The following BRD8 variants were observed in gnomAD, a reference collection of about 807,000 sequenced individuals.
BRD8 encodes bromodomain-containing protein 8.
BRD8 carries 67 observed loss-of-function variants against 143.1 expected under a neutral mutation model. The ratio of observed to expected loss-of-function variants is 0.47; its 90% confidence interval spans 0.38 to 0.57. The LOEUF (loss-of-function observed/expected upper bound fraction) is 0.57, where lower values mean the gene tolerates loss of function less well. Among genes scored for constraint, BRD8 ranks in the 20% least tolerant of loss-of-function variants. The pLI is 0.00. For missense variants in BRD8, 1,103 were observed against 1,503.0 expected (o/e 0.73, Z 4.40); for synonymous variants, 505 against 517.1 (o/e 0.98, Z 0.32).
At chr5:138,161,282 G>T (rs115711453) in intron 17 of BRD8, 5,472 of 417,330 alleles carry the variant, frequency 0.013, 143 homozygotes, top group African/African-American at 0.074. Flanking sequence ...GTTTATTTAG[G>T]TTTTTTTTGG....
At chr5:138,141,669 T>C (rs1367876180) in intron 25 of BRD8, among the ~76,000 whole-genome samples, 1 of 152,226 alleles carries the variant, frequency 6.6e-6, no homozygotes, top group Non-Finnish European at 1.5e-5. Flanking sequence ...AGTCATATAT[T>C]ATTTCATCTA....
intron 25 of BRD8, 129 bp from the exon 26 acceptor site, chr5:138,141,011 G>T: frequency 1.0e-6 from 1 of 958,028 alleles, no homozygotes; most frequent in Non-Finnish European, 1.6e-6. Flanking sequence ...ACCCTCATCA[G>T]ATAATAAAAT....
At chr5:138,170,974 A>C in intron 5 of BRD8, 62 bp from the exon 6 acceptor site, 1 of 1,612,844 alleles carries the variant, frequency 6.2e-7, no homozygotes, top group Non-Finnish European at 8.5e-7. Flanking sequence ...AAAAGTTCTG[A>C]CCAGTACCAG....
chr5:138,149,931 A>G, intron 22 of BRD8, 134 bp from the exon 23 acceptor site: 1 of 823,664 alleles, frequency 1.2e-6, no homozygotes, highest in South Asian at 2.9e-5. Flanking sequence ...AAAGAAATTA[A>G]AGAAAGCTGA....
chr5:138,145,213 T>C lies in BRD8; in HGVS notation c.3401A>G (p.Glu1134Gly). The C allele has an allele frequency of 6.2e-7, 1 of 1,614,034 alleles. No homozygotes were observed. Among genetic ancestry groups the C allele is most frequent in the South Asian group, 1.1e-5 (1 of 91,054 alleles). Residue 1134 changes from glutamate to glycine, a missense_variant, in exon 25 of 27, where the codon GAA becomes GGA. Transcript: ENST00000254900. Reference sequence around the variant, plus strand: ...ATCCTTGTACCCTGGGGCCTGCCTTTCTGACACAGGCTTCAGAAATGGACT... The same window carrying C: ...ATCCTTGTACCCTGGGGCCTGCCTTCCTGACACAGGCTTCAGAAATGGACT... ...FSSPFLKPVS[E>G]RQAPGYKDVV... is the part of the protein sequence containing the mutation.
chr5:138,166,649 G>C lies in BRD8; in HGVS notation c.866C>G (p.Ala289Gly), dbSNP rs765302591. ...CACAAGTTTAACTGGAGGCTCACTG[G>C]CAACAGTAGTGAAGGAAGCAAGAGG... ...TTPLASFTTV[A>G]SEPPVKLVPP... Residue 289 changes from alanine to glycine, a missense_variant, in exon 10 of 27, where the codon GCC becomes GGC. Physicochemically the swap from Ala to Gly is moderately conservative, Grantham distance 60. Transcript: ENST00000254900. 1 of 1,613,780 alleles carries C rather than the reference G, an allele frequency of 6.2e-7. No individual in the cohort carries two copies. Among genetic ancestry groups the C allele is most frequent in the Admixed American group, 1.7e-5 (1 of 60,014 alleles).
chr5:138,163,500 A>G, intron 14 of BRD8, 156 bp from the exon 15 acceptor site: 1 of 1,384,046 alleles, frequency 7.2e-7, no homozygotes. Flanking sequence ...CCATCTACTT[A>G]CAGACACTGC....
At chr5:138,174,485 A>G (rs1405027825) in intron 2 of BRD8, among the ~76,000 whole-genome samples, 1 of 152,010 alleles carries the variant, frequency 6.6e-6, no homozygotes, top group African/African-American at 2.4e-5. Flanking sequence ...AGTCCCAGCT[A>G]CACGGGAGGC....
At chr5:138,167,524 C>A in intron 9 of BRD8, 1 of 200,908 alleles carries the variant, frequency 5.0e-6, no homozygotes. Context: ...ATATATGTTA[C>A]AATAAAAAAG....
intron 20 of BRD8, 88 bp downstream of exon 20, chr5:138,159,467 C>A: frequency 7.4e-7 from 1 of 1,358,812 alleles, no homozygotes; most frequent in East Asian, 2.3e-5. Flanking sequence ...CCACAGTCTG[C>A]ATGTTGGATT....
At chr5:138,173,655 C>T (rs944985554) in intron 2 of BRD8, among the ~76,000 whole-genome samples, 1 of 152,178 alleles carries the variant, frequency 6.6e-6, no homozygotes, top group African/African-American at 2.4e-5. Flanking sequence ...GTTGCTTCCA[C>T]CTCTGAGGCT....
chr5:138,145,732 A>G, intron 24 of BRD8, 57 bp downstream of exon 24: 3 of 1,429,690 alleles, frequency 2.1e-6, no homozygotes, highest in Non-Finnish European at 3.0e-6. Context: ...CTTAAACCCC[A>G]ATATGTATTA....
At chr5:138,161,244 A>G (rs942131126) in intron 17 of BRD8, 176 bp from the exon 18 acceptor site, 2 of 519,584 alleles carry the variant, frequency 3.8e-6, no homozygotes, top group African/African-American at 2.0e-5. Flanking sequence ...AATCTATATA[A>G]TAAGCATTGA....
Position 138,152,784 on chromosome 5 carries a change from C to T in BRD8, c.2578-24G>A, listed in dbSNP as rs369736947. The stretch of plus-strand genomic sequence containing the variant: ...ATCTGTAAATACACAGGAAAACATG[C>T]ATTAAATTCATTCAAATAAATATTC... On this transcript the variant is annotated intron_variant, in intron 20 of 26. Transcript: ENST00000254900. The T allele has an allele frequency of 9.4e-6, 15 of 1,591,898 alleles. No homozygotes were observed. In the African/African-American group the frequency reaches 1.7e-4, roughly 19 times the overall value.
intron 17 of BRD8, 55 bp downstream of exon 17, chr5:138,161,741 G>A: frequency 6.4e-7 from 1 of 1,563,874 alleles, no homozygotes; most frequent in Non-Finnish European, 8.8e-7. Flanking sequence ...ACTTCACTAA[G>A]ACTGGACAAT....
At chr5:138,178,186 G>C (rs1754518066) in intron 1 of BRD8, among the ~76,000 whole-genome samples, 1 of 152,058 alleles carries the variant, frequency 6.6e-6, no homozygotes, top group Non-Finnish European at 1.5e-5. Flanking sequence ...AATTTCCTGA[G>C]TGGCAAGAAA....
intron 18 of BRD8, among the ~76,000 whole-genome samples, chr5:138,160,573 A>C (rs1426658580): frequency 2.0e-5 from 3 of 152,122 alleles, no homozygotes; most frequent in Non-Finnish European, 4.4e-5. Context: ...GAAAGGAGAA[A>C]CTCTTATTTG....
chr5:138,170,290 T>C (rs1753759575), intron 7 of BRD8, 55 bp downstream of exon 7: 8 of 1,172,546 alleles, frequency 6.8e-6, no homozygotes, highest in South Asian at 6.1e-5. Context: ...CAACTGTCAT[T>C]AGCATGCAGT....
chr5:138,161,303 TG>T, intron 17 of BRD8: 1 of 383,012 alleles, frequency 2.6e-6, no homozygotes. Context: ...AGACAGGGCC[TG>T]GATCTGTCAC....
Sources: gnomAD v4.1 joint callset for allele counts (sites outside exome capture counted in the v4.1 genomes callset) on GRCh38, gnomAD v4.1.1 for gene constraint, MANE v1.5 for transcripts, NCBI Gene and HGNC (gene_info 2026-07-23, HGNC 2026-07-21) for gene names.